Variants in SMAD1 observed in about 807,000 individuals in gnomAD.
SMAD1 encodes MAD, mothers against decapentaplegic homolog 1.
A neutral mutation model predicts 41.6 loss-of-function variants in SMAD1; 6 were observed. The observed-to-expected ratio is 0.14, with a 90% CI of 0.08 to 0.28. SMAD1 has a LOEUF of 0.28. SMAD1 is among the 10% of genes least tolerant of loss of function. SMAD1 has a pLI of 1.00. For missense variants in SMAD1, 379 were observed against 582.6 expected (o/e 0.65, Z 3.60); for synonymous variants, 206 against 203.2 (o/e 1.01, Z -0.12).
chr4:145,553,368 A>G (rs1732660945), intron 5 of SMAD1, among the ~76,000 whole-genome samples: 1 of 152,106 alleles, frequency 6.6e-6, no homozygotes, highest in South Asian at 2.1e-4. Context: ...CAATTTTTCC[A>G]CAGGGGATGG....
intron 2 of SMAD1, among the ~76,000 whole-genome samples, chr4:145,519,642 ACT>A (rs1730628065): frequency 8.4e-6 from 1 of 118,984 alleles, no homozygotes; most frequent in South Asian, 2.9e-4. Context: ...TAAGAGAGAG[ACT>A]CTGTATCAAA....
intron 1 of SMAD1, among the ~76,000 whole-genome samples, chr4:145,507,460 G>C (rs915037410): frequency 6.6e-6 from 1 of 151,862 alleles, no homozygotes; most frequent in African/African-American, 2.4e-5. Flanking sequence ...CCATTGAGTG[G>C]ATGTATGCAG....
chr4:145,538,136 T>C (rs6845829), intron 2 of SMAD1, among the ~76,000 whole-genome samples: 16,117 of 152,152 alleles, frequency 0.11, 2,630 homozygotes, highest in African/African-American at 0.35. Context: ...GAAATGGTAA[T>C]TCAAGTCACA....
intron 1 of SMAD1, among the ~76,000 whole-genome samples, chr4:145,491,948 A>T (rs1648153976): frequency 1.3e-5 from 2 of 152,296 alleles, no homozygotes; most frequent in Admixed American, 6.5e-5. Flanking sequence ...ATTGAGATGG[A>T]CGAGTTTATG....
At chr4:145,548,924 G>T (rs1428409217) in intron 5 of SMAD1, among the ~76,000 whole-genome samples, 1 of 152,072 alleles carries the variant, frequency 6.6e-6, no homozygotes, top group Non-Finnish European at 1.5e-5. Flanking sequence ...AGACAGATGG[G>T]TATCATATAC....
chr4:145,501,572 A>G lies in SMAD1; in HGVS notation c.-176-12866A>G, dbSNP rs374621733. On this transcript the variant is annotated intron_variant, in intron 1 of 6. Coordinates refer to ENST00000302085, the MANE Select transcript of SMAD1 (RefSeq NM_005900.3). The stretch of plus-strand genomic sequence containing the variant: ...GATGTGCATGTTTGTTGTCATAAAC[A>G]GCACCTGTGAGATCAGTGGAGCGAG... Among the ~76,000 whole-genome samples, 65 of 152,196 alleles carry G rather than the reference A, an allele frequency of 4.3e-4. 1 individual carries two copies. In the South Asian group the frequency reaches 0.012, roughly 27 times the overall value.
intron 5 of SMAD1, among the ~76,000 whole-genome samples, chr4:145,547,547 T>C (rs1156564095): frequency 6.6e-6 from 1 of 152,216 alleles, no homozygotes; most frequent in Admixed American, 6.5e-5. Flanking sequence ...GTGGAGTAGA[T>C]AGAGTAGGGG....
At chr4:145,488,426 T>G (rs1280413337) in intron 1 of SMAD1, among the ~76,000 whole-genome samples, 1 of 152,134 alleles carries the variant, frequency 6.6e-6, no homozygotes, top group Non-Finnish European at 1.5e-5. Flanking sequence ...TCTGAGATTG[T>G]TAGGGTATAG....
In SMAD1 at chr4:145,519,337, C is replaced by G. The variant is rs141927266; in HGVS notation, c.400+4324C>G. 9.3e-4 allele frequency among the ~76,000 whole-genome samples: 141 copies of G among 152,070 alleles called. 1 individual carries two copies. In the East Asian group the frequency reaches 0.021, roughly 22 times the overall value. On this transcript the variant is annotated intron_variant, in intron 2 of 6. Transcript: ENST00000302085. ...TCTCGAAGTCCTGACCTCAGTTGAT[C>G]CACCTGCCTTGGCCTCCCAAAGTGC...
intron 2 of SMAD1, among the ~76,000 whole-genome samples, chr4:145,526,547 A>T (rs931446932): frequency 6.6e-6 from 1 of 152,210 alleles, no homozygotes; most frequent in African/African-American, 2.4e-5. Context: ...GAGAAAACTG[A>T]TGGGAGCATG....
chr4:145,556,398 A>C (rs990282862), intron 6 of SMAD1, among the ~76,000 whole-genome samples: 26 of 152,228 alleles, frequency 1.7e-4, no homozygotes, highest in African/African-American at 6.0e-4. Flanking sequence ...AGATATATAT[A>C]TATCTACATA....
intron 2 of SMAD1, among the ~76,000 whole-genome samples, chr4:145,537,956 CTG>C (rs1731706191): frequency 6.6e-6 from 1 of 152,126 alleles, no homozygotes. Flanking sequence ...TTAATGGACT[CTG>C]TGCGTGTGTG....
intron 5 of SMAD1, among the ~76,000 whole-genome samples, chr4:145,549,966 C>T (rs1361574042): frequency 6.6e-6 from 1 of 152,110 alleles, no homozygotes; most frequent in Non-Finnish European, 1.5e-5. Context: ...TCGTTAAACT[C>T]TAAAGATGAC....
At chr4:145,483,438 A>G (rs986467737) in intron 1 of SMAD1, among the ~76,000 whole-genome samples, 2 of 152,154 alleles carry the variant, frequency 1.3e-5, no homozygotes, top group African/African-American at 4.8e-5. Context: ...TGATTTTTCA[A>G]ATTGTTTGTA....
At chr4:145,480,917 A>AT (rs5862738), upstream of SMAD1, among the ~76,000 whole-genome samples, 2,028 of 128,688 alleles carry the variant, frequency 0.016, 20 homozygotes, top group African/African-American at 0.026. Flanking sequence ...GCTGGGAGTG[A>AT]TTTTTTTTTT....
At position 145,519,666 on chromosome 4, in the gene SMAD1, A is replaced by C. The variant is rs1018470285; in HGVS notation, c.400+4653A>C. On this transcript the variant is annotated intron_variant, in intron 2 of 6. Coordinates refer to ENST00000302085, the MANE Select transcript of SMAD1 (RefSeq NM_005900.3). Reference sequence around the variant, plus strand: ...GACTCTGTATCAAAAAAAAAAAAAAACCCACTTTTTTAGCAATTTTGAAAT... The same window carrying C: ...GACTCTGTATCAAAAAAAAAAAAAACCCCACTTTTTTAGCAATTTTGAAAT... 8.1e-5 allele frequency among the ~76,000 whole-genome samples: 11 copies of C among 135,526 alleles called. No individual in the cohort carries two copies. In the Middle Eastern group the frequency reaches 0.015, roughly 183 times the overall value. The allele number at this position is 135,526 out of a possible 152,430, so 88.9% of individuals were successfully genotyped here. A position where few individuals can be genotyped will look rare whatever the true frequency, so the allele number is the denominator to read the frequency against.
At chr4:145,552,413 A>G (rs192548468) in intron 5 of SMAD1, among the ~76,000 whole-genome samples, 3 of 152,324 alleles carry the variant, frequency 2.0e-5, no homozygotes, top group Admixed American at 6.5e-5. Context: ...ATGGGATCTA[A>G]CGCTGCTGGG....
chr4:145,497,234 G>A (rs910029294), intron 1 of SMAD1: 4 of 152,228 alleles, frequency 2.6e-5, no homozygotes, highest in African/African-American at 9.6e-5. Flanking sequence ...CACTGAAACA[G>A]CTGGTTGATA....
chr4:145,488,907 C>T (rs1460778501), intron 1 of SMAD1, among the ~76,000 whole-genome samples: 1 of 152,172 alleles, frequency 6.6e-6, no homozygotes, highest in Non-Finnish European at 1.5e-5. Flanking sequence ...ACAGACAACT[C>T]ACATCAGGAC....
Sources: gnomAD v4.1 joint callset for allele counts (sites outside exome capture counted in the v4.1 genomes callset) on GRCh38, gnomAD v4.1.1 for gene constraint, MANE v1.5 for transcripts, NCBI Gene and HGNC (gene_info 2026-07-23, HGNC 2026-07-21) for gene names.